The following ITPR3 variants were observed in gnomAD, a reference collection of about 807,000 sequenced individuals.
ITPR3 encodes the protein inositol 1,4,5-trisphosphate-gated calcium channel ITPR3.
ITPR3 carries 173 observed loss-of-function variants against 293.2 expected under a neutral mutation model. The ratio of observed to expected loss-of-function variants is 0.59; its 90% CI spans 0.52 to 0.67. The LOEUF (loss-of-function observed/expected upper bound fraction) is 0.67. Ranked by LOEUF, ITPR3 falls within the 30% of genes least tolerant of loss-of-function variation. The probability of loss-of-function intolerance (pLI) is 0.00; values close to 1 mark genes in which losing one functional copy is unlikely to be tolerated. For missense variants in ITPR3, 2,796 were observed against 3,592.1 expected (o/e 0.78, Z 5.66); for synonymous variants, 1,295 against 1,444.4 (o/e 0.90, Z 2.35).
rs1763704169 is a variant in ITPR3 at position 33,632,392 on chromosome 6, C to T, written c.90-8092C>T. ...CACCTGCCCCACTTCTATCTAGCTC[C>T]CTTCCTCCTCCTTATCTAATCTTTC... is the stretch of plus-strand genomic sequence containing the variant. On this transcript the variant is annotated intron_variant, in intron 1 of 57. Coordinates refer to ENST00000605930, the MANE Select transcript of ITPR3 (RefSeq NM_002224.4). The surrounding 1 kb of genome is among the most constrained non-coding windows in gnomAD (Gnocchi z 4.1). Among the ~76,000 whole-genome samples the T allele has an allele frequency of 3.3e-5, 5 of 152,168 alleles. No individual in the cohort carries two copies. Among genetic ancestry groups the T allele is most frequent in the Admixed American group, 2.6e-4 (4 of 15,284 alleles).
chr6:33,635,460 G>A (rs1763797575), intron 1 of ITPR3, among the ~76,000 whole-genome samples: 1 of 152,204 alleles, frequency 6.6e-6, no homozygotes, highest in Non-Finnish European at 1.5e-5. Flanking sequence ...ACCAGACAGT[G>A]GTTTGGGTGC....
At chr6:33,630,358 G>C (rs117179414) in intron 1 of ITPR3, among the ~76,000 whole-genome samples, 2 of 152,322 alleles carry the variant, frequency 1.3e-5, no homozygotes, top group East Asian at 3.9e-4. Flanking sequence ...CCTGCTGAGG[G>C]TCCTACAGCC....
intron 30 of ITPR3, 140 bp downstream of exon 30, chr6:33,678,979 C>T (rs1561874577): frequency 1.2e-6 from 1 of 861,728 alleles, no homozygotes; most frequent in Non-Finnish European, 1.8e-6. Flanking sequence ...GGAGGGGACG[C>T]AGAGGGAGAA....
At chr6:33,686,979 T>C in intron 43 of ITPR3, 30 bp from the exon 44 acceptor site, 1 of 1,565,664 alleles carries the variant, frequency 6.4e-7, no homozygotes, top group Non-Finnish European at 8.8e-7. Context: ...CCTGAGACTG[T>C]GGCCTGCCTC....
Position 33,680,428 on chromosome 6 carries a change from G to A in ITPR3, c.4324G>A (p.Glu1442Lys). The A allele has an allele frequency of 6.2e-7, 1 of 1,613,568 alleles. No individual in the cohort carries two copies. The change falls in exon 32 of 58, where the codon GAG (glutamate) becomes AAG (lysine). Residue 1442 changes from glutamate to lysine, a missense_variant. Around this residue, in one of 8 missense-constraint regions of ITPR3, gnomAD observed 344 missense variants for 460.3 expected, o/e 0.75. Coordinates refer to ENST00000605930, the MANE Select transcript of ITPR3 (RefSeq NM_002224.4). ...YTSNHIWTLFENFTLDMARVC... is the reference protein window; with the variant it reads ...YTSNHIWTLFKNFTLDMARVC... ...CAGCAACCACATCTGGACGCTCTTT[G>A]AGAACTTCACCCTGGACATGGCCCG...
At position 33,655,818 on chromosome 6, in the gene ITPR3, C is replaced by T. The variant is rs200966677; in HGVS notation, c.213C>T (p.Tyr71=). ...PMNRYSAQKQ[Y]WKAKQTKQDK... is the part of the protein sequence containing the mutation. ...ACCGCTACTCGGCCCAGAAGCAGTA[C>T]TGGAAGGCCAAGCAGACTAAGCAGG... The change falls in exon 3 of 58, where the codon TAC becomes TAT. Residue 71 remains tyrosine (Y), a synonymous_variant. Coordinates refer to ENST00000605930, the MANE Select transcript of ITPR3 (RefSeq NM_002224.4). The surrounding 1 kb of genome is among the most constrained non-coding windows in gnomAD (Gnocchi z 4.9). 7.7e-5 allele frequency: 124 copies of T among 1,613,972 alleles called. No homozygotes were observed. Among genetic ancestry groups the T allele is most frequent in the Non-Finnish European group, 9.7e-5 (115 of 1,180,018 alleles).
chr6:33,693,274 G>A (rs1002422351), intron 55 of ITPR3, among the ~76,000 whole-genome samples: 2 of 151,110 alleles, frequency 1.3e-5, no homozygotes, highest in African/African-American at 2.5e-5. Context: ...TCAGCCATTC[G>A]GGCTTCCCCT....
Position 33,665,908 on chromosome 6 carries a change from G to T in ITPR3, c.1483G>T (p.Asp495Tyr). The T allele has an allele frequency of 3.7e-6, 6 of 1,614,220 alleles. No individual in the cohort carries two copies. The highest frequency in any genetic ancestry group is 5.1e-6 in the Non-Finnish European group (6 of 1,180,034). Residue 495 changes from aspartate to tyrosine, a missense_variant, in exon 14 of 58, where the codon GAC (aspartate) becomes TAC (tyrosine). Coordinates refer to ENST00000605930, the MANE Select transcript of ITPR3 (RefSeq NM_002224.4). ...DVPNNGQNVL[D>Y]IMVTKPNRER... ...CCCCAACAATGGGCAGAATGTCCTG[G>T]ACATCATGGTCACTAAGCCCAACCG... is the stretch of plus-strand genomic sequence containing the variant.
At position 33,684,975 on chromosome 6, in the gene ITPR3, C is replaced by T. The variant is rs200284662; in HGVS notation, c.5307+32C>T. The T allele has an allele frequency of 5.7e-6, 9 of 1,573,616 alleles. No individual in the cohort carries two copies. The highest frequency in any genetic ancestry group is 7.8e-6 in the Non-Finnish European group (9 of 1,157,302). On this transcript the variant is annotated intron_variant, in intron 39 of 57. Transcript: ENST00000605930. The surrounding 1 kb of genome is among the most constrained non-coding windows in gnomAD (Gnocchi z 4.2). ...GGGGCCTGGGGCCTGGACATGCCCTCCTTTGCCTCCCTCCCTTTTTGGAGG... is the reference window on the plus strand; with the variant it reads ...GGGGCCTGGGGCCTGGACATGCCCTTCTTTGCCTCCCTCCCTTTTTGGAGG...
Position 33,687,366 on chromosome 6 carries a change from G to A in ITPR3, c.6177+39G>A, listed in dbSNP as rs1277600500. On this transcript the variant is annotated intron_variant, in intron 45 of 57. Coordinates refer to ENST00000605930, the MANE Select transcript of ITPR3 (RefSeq NM_002224.4). The surrounding 1 kb of genome is among the most constrained non-coding windows in gnomAD (Gnocchi z 5.3). The stretch of plus-strand genomic sequence containing the variant: ...CCGTGGCAACGGCCATCACCCCCCT[G>A]GCCACCATACCCCGCCCCAGCTGCC... 6.6e-7 allele frequency: 1 copy of A among 1,521,910 alleles called. No individual in the cohort carries two copies. Among genetic ancestry groups the A allele is most frequent in the Non-Finnish European group, 9.0e-7 (1 of 1,107,094 alleles). 94.3% of individuals were successfully genotyped at this position (1,521,910 alleles called of 1,614,324 possible). A position where few individuals can be genotyped will look rare whatever the true frequency, so the allele number is the denominator to read the frequency against.
chr6:33,677,444 T>G (rs1462067610), intron 27 of ITPR3, 60 bp from the exon 28 acceptor site: 2 of 1,596,524 alleles, frequency 1.3e-6, no homozygotes. Flanking sequence ...TGTGGTGGGC[T>G]GGGCAGAGGG....
intron 2 of ITPR3, among the ~76,000 whole-genome samples, chr6:33,651,342 G>A (rs936895524): frequency 2.0e-5 from 3 of 151,694 alleles, no homozygotes; most frequent in African/African-American, 7.3e-5. Context: ...CCTCCAGGAA[G>A]GCCCTGGTGT....
At position 33,624,273 on chromosome 6, in the gene ITPR3, C is replaced by A. The variant is rs1333577435; in HGVS notation, c.89+2582C>A. ...GCTGGGCACCTTGCCAGGATTAACA[C>A]CATTCATATATTTAGCAGGTCTACA... On this transcript the variant is annotated intron_variant, in intron 1 of 57. Transcript: ENST00000605930. This position sits in a 1 kb window ranked among gnomAD's most constrained non-coding sequence, Gnocchi z 4.7. Among the ~76,000 whole-genome samples the A allele has an allele frequency of 6.6e-6, 1 of 152,198 alleles. No homozygotes were observed. The highest frequency in any genetic ancestry group is 1.5e-5 in the Non-Finnish European group (1 of 68,046).
chr6:33,653,689 G>T (rs1764244193), intron 2 of ITPR3, among the ~76,000 whole-genome samples: 1 of 152,300 alleles, frequency 6.6e-6, no homozygotes. Flanking sequence ...TTGCCATCAG[G>T]CATCACCCAG....
chr6:33,691,510 T>C lies in ITPR3; in HGVS notation c.7226-105T>C, dbSNP rs1190100478. 15 of 937,382 alleles carry C rather than the reference T, an allele frequency of 1.6e-5. No homozygotes were observed. Among genetic ancestry groups the C allele is most frequent in the Non-Finnish European group, 2.5e-5 (15 of 606,246 alleles). The allele number at this position is 937,382 out of a possible 1,614,324, so 58.1% of individuals were successfully genotyped here. The stretch of plus-strand genomic sequence containing the variant: ...TGGCTGGACAGTGGAGGGCTGGCGA[T>C]CCAGGACCAGGGAAGGTTTCCTGGA... On this transcript the variant is annotated intron_variant, in intron 52 of 57. Transcript: ENST00000605930. The surrounding 1 kb of genome is among the most constrained non-coding windows in gnomAD (Gnocchi z 4.9).
At chr6:33,659,356 C>T (rs529842077) in intron 6 of ITPR3, 110 bp from the exon 7 acceptor site, 140 of 1,052,298 alleles carry the variant, frequency 1.3e-4, no homozygotes, top group Non-Finnish European at 1.9e-4. Context: ...AGAAGACACC[C>T]TGTCCTTGTG....
intron 1 of ITPR3, among the ~76,000 whole-genome samples, chr6:33,626,581 T>C (rs1175450519): frequency 2.0e-5 from 3 of 152,186 alleles, no homozygotes; most frequent in Non-Finnish European, 4.4e-5. Flanking sequence ...GACTTCATAA[T>C]GTCATTCAAC....
In ITPR3 at chr6:33,658,101, G is replaced by A; in HGVS notation, c.369+83G>A. ...GGTGCTGGGTGAGGGCTGCCAGCAGGCATTGCCCTCTGTGCATGTGTGTCC... is the reference window on the plus strand; with the variant it reads ...GGTGCTGGGTGAGGGCTGCCAGCAGACATTGCCCTCTGTGCATGTGTGTCC... On this transcript the variant is annotated intron_variant, in intron 4 of 57. Coordinates refer to ENST00000605930, the MANE Select transcript of ITPR3 (RefSeq NM_002224.4). The surrounding 1 kb of genome is among the most constrained non-coding windows in gnomAD (Gnocchi z 6.1). 1 of 1,204,918 alleles carries A rather than the reference G, an allele frequency of 8.3e-7. No homozygotes were observed. The highest frequency in any genetic ancestry group is 1.2e-6 in the Non-Finnish European group (1 of 825,438). 74.6% of individuals were successfully genotyped at this position (1,204,918 alleles called of 1,614,324 possible).
Position 33,658,760 on chromosome 6 carries a change from G to A in ITPR3, c.460G>A (p.Ala154Thr). 6.2e-7 allele frequency: 1 copy of A among 1,614,214 alleles called. No individual in the cohort carries two copies. Among genetic ancestry groups the A allele is most frequent in the Non-Finnish European group, 8.5e-7 (1 of 1,180,028 alleles). ...GAACGCCATGCGGGTGACTCTGGAT[G>A]CCACAGGCAACGAGGGTTCCTGGCT... ...EKNAMRVTLD[A>T]TGNEGSWLFI... The change falls in exon 5 of 58, where the codon GCC (alanine) becomes ACC (threonine). Residue 154 changes from alanine (A) to threonine (T), a missense_variant. Physicochemically the swap from Ala to Thr is moderately conservative, Grantham distance 58 (BLOSUM62 0). Around this residue, in one of 8 missense-constraint regions of ITPR3, gnomAD observed 144 missense variants for 230.8 expected, o/e 0.62. Transcript: ENST00000605930. The surrounding 1 kb of genome is among the most constrained non-coding windows in gnomAD (Gnocchi z 6.1).
Sources: gnomAD v4.1 joint callset for allele counts (sites outside exome capture counted in the v4.1 genomes callset) on GRCh38, gnomAD v4.1.1 for gene constraint, gnomAD v4.1.1 regional missense constraint, Gnocchi (gnomAD v3.1) non-coding constraint, MANE v1.5 for transcripts, NCBI Gene and HGNC (gene_info 2026-07-23, HGNC 2026-07-21) for gene names.